The following SLC4A4 variants were observed in gnomAD, a reference collection of about 807,000 sequenced individuals.
SLC4A4 encodes solute carrier family 4 member 4, also known as electrogenic sodium bicarbonate cotransporter 1.
In SLC4A4, 27 loss-of-function variants were observed where a neutral mutation model predicts 111.5. The observed-to-expected ratio is 0.24, with a 90% CI of 0.18 to 0.33. The LOEUF (loss-of-function observed/expected upper bound fraction) is 0.33, where lower values mean the gene tolerates loss of function less well. SLC4A4 is among the 10% of genes least tolerant of loss of function. The pLI is 1.00. For missense variants in SLC4A4, 909 were observed against 1,315.5 expected, an observed-to-expected ratio of 0.69 and a Z score of 4.78; for synonymous variants, 443 against 463.4, an observed-to-expected ratio of 0.96 and a Z score of 0.57.
At chr4:71,538,262 G>A (rs1353834943) in intron 18 of SLC4A4, among the ~76,000 whole-genome samples, 3 of 151,898 alleles carry the variant, frequency 2.0e-5, no homozygotes, top group African/African-American at 7.3e-5. Context: ...CGGAAGTTTA[G>A]GAATGATAAA....
intron 2 of SLC4A4, among the ~76,000 whole-genome samples, chr4:71,236,961 G>A (rs1420220058): frequency 1.3e-5 from 2 of 152,106 alleles, no homozygotes; most frequent in African/African-American, 4.8e-5. Context: ...ACCTTCCAAT[G>A]ACTAATTCAA....
chr4:71,092,406 C>T (rs1250706473), intron 1 of SLC4A4, among the ~76,000 whole-genome samples: 1 of 152,050 alleles, frequency 6.6e-6, no homozygotes, highest in Non-Finnish European at 1.5e-5. Flanking sequence ...TTGATATTTA[C>T]ATATTCCAAA....
At chr4:71,271,242 G>A (rs374295865) in intron 3 of SLC4A4, among the ~76,000 whole-genome samples, 32 of 152,204 alleles carry the variant, frequency 2.1e-4, no homozygotes, top group African/African-American at 6.5e-4. Context: ...GATATTTAGA[G>A]GTTATTATTT....
intron 1 of SLC4A4, among the ~76,000 whole-genome samples, chr4:71,065,252 G>A (rs1489688615): frequency 1.3e-5 from 2 of 152,046 alleles, no homozygotes; most frequent in African/African-American, 4.8e-5. Context: ...TAACCGTATG[G>A]TGTTTTACAT....
chr4:71,549,548 G>A (rs1002455871), intron 20 of SLC4A4, among the ~76,000 whole-genome samples: 12 of 151,718 alleles, frequency 7.9e-5, no homozygotes, highest in East Asian at 7.8e-4. Context: ...TTTACTCATC[G>A]CCTCCCCCAT....
At chr4:71,218,783 A>G (rs920049366) in intron 1 of SLC4A4, among the ~76,000 whole-genome samples, 1 of 152,182 alleles carries the variant, frequency 6.6e-6, no homozygotes, top group Non-Finnish European at 1.5e-5. Context: ...TAAAGCACTT[A>G]TTATATTAAA....
At chr4:71,327,734 A>G (rs1251051505) in intron 3 of SLC4A4, among the ~76,000 whole-genome samples, 1 of 151,958 alleles carries the variant, frequency 6.6e-6, no homozygotes, top group African/African-American at 2.4e-5. Context: ...TTTACGGGGT[A>G]CATGAGATAT....
chr4:71,521,206 C>T (rs1455788384), intron 16 of SLC4A4, among the ~76,000 whole-genome samples: 1 of 152,088 alleles, frequency 6.6e-6, no homozygotes. Context: ...CTTAGGGCCA[C>T]CCAAGATCAA....
chr4:71,490,702 C>T (rs1374439809), intron 15 of SLC4A4, among the ~76,000 whole-genome samples: 1 of 151,750 alleles, frequency 6.6e-6, no homozygotes. Context: ...CTGTCCAACC[C>T]CCAGTCTTTC....
intron 3 of SLC4A4, among the ~76,000 whole-genome samples, chr4:71,307,333 C>T (rs559068270): frequency 1.3e-5 from 2 of 152,324 alleles, no homozygotes; most frequent in African/African-American, 4.8e-5. Context: ...CTCACTGAGA[C>T]TCAGACCTGG....
At chr4:71,101,827 A>G (rs1742745578) in intron 2 of SLC4A4, among the ~76,000 whole-genome samples, 1 of 152,078 alleles carries the variant, frequency 6.6e-6, no homozygotes, top group South Asian at 2.1e-4. Flanking sequence ...GGGAAAAAAC[A>G]GAACAGAAAA....
chr4:71,247,645 A>G (rs1355682748), intron 2 of SLC4A4, among the ~76,000 whole-genome samples: 2 of 152,050 alleles, frequency 1.3e-5, no homozygotes, highest in African/African-American at 4.8e-5. Context: ...TTATCTTCCA[A>G]CCCTACTTCC....
intron 2 of SLC4A4, among the ~76,000 whole-genome samples, chr4:71,159,768 C>T (rs1323755600): frequency 6.6e-6 from 1 of 152,130 alleles, no homozygotes; most frequent in Non-Finnish European, 1.5e-5. Context: ...AGATACAATA[C>T]TTTTTGTAGA....
chr4:71,318,561 A>G (rs1726875562), intron 3 of SLC4A4, among the ~76,000 whole-genome samples: 1 of 152,050 alleles, frequency 6.6e-6, no homozygotes, highest in Non-Finnish European at 1.5e-5. Context: ...ACCAAAGAAA[A>G]AAACCAATTA....
At chr4:71,246,955 G>T (rs1578668938) in intron 2 of SLC4A4, among the ~76,000 whole-genome samples, 1 of 152,100 alleles carries the variant, frequency 6.6e-6, no homozygotes, top group Non-Finnish European at 1.5e-5. Context: ...TTAAAAGTGT[G>T]ATTATGTGCT....
At chr4:71,142,703 T>G (rs1411368872) in intron 2 of SLC4A4, among the ~76,000 whole-genome samples, 1 of 150,458 alleles carries the variant, frequency 6.6e-6, no homozygotes, top group Admixed American at 6.6e-5. Context: ...CAGTTGAAAA[T>G]ATAGTAGAGT....
intron 5 of SLC4A4, among the ~76,000 whole-genome samples, chr4:71,356,131 A>G (rs572380468): frequency 1.3e-5 from 2 of 152,332 alleles, no homozygotes; most frequent in East Asian, 1.9e-4. Context: ...AGAATGTACC[A>G]GGCTTCATTT....
rs1380441798 is a variant in SLC4A4 at position 71,437,681 on chromosome 4, T to C, written c.808-2935T>C. On this transcript the variant is annotated intron_variant, in intron 7 of 25. Transcript: ENST00000264485. Reference sequence around the variant, plus strand: ...AATAAGATGCTGAGAGCACAGGCCATGCCAACTGATCCAGTTCCTATAATG... The same window carrying C: ...AATAAGATGCTGAGAGCACAGGCCACGCCAACTGATCCAGTTCCTATAATG... 9 of 462,304 alleles carry C rather than the reference T, an allele frequency of 1.9e-5. No homozygotes were observed. The East Asian group carries it at 5.2e-4, about 27-fold the overall frequency. 28.6% of individuals were successfully genotyped at this position (462,304 alleles called of 1,614,324 possible).
At chr4:71,133,778 C>T (rs957491634) in intron 2 of SLC4A4, among the ~76,000 whole-genome samples, 2 of 152,166 alleles carry the variant, frequency 1.3e-5, no homozygotes, top group African/African-American at 2.4e-5. Context: ...TTATGGCTGT[C>T]GCTGCCCTGA....
Sources: allele counts gnomAD v4.1 joint callset (sites outside exome capture counted in the v4.1 genomes callset), GRCh38; gene constraint gnomAD v4.1.1; transcripts MANE v1.5; gene names NCBI Gene and HGNC (gene_info 2026-07-23, HGNC 2026-07-21).